The following MAST2 variants were observed in gnomAD, a reference collection of about 807,000 sequenced individuals.
The protein encoded by MAST2 is microtubule-associated serine/threonine-protein kinase 2.
MAST2 carries 70 observed loss-of-function variants against 147.4 expected under a neutral mutation model. The ratio of observed to expected loss-of-function variants is 0.47; its 90% CI spans 0.39 to 0.58. The LOEUF is 0.58. MAST2 is among the 20% of genes least tolerant of loss of function. The probability of loss-of-function intolerance (pLI) is 0.00; values close to 1 mark genes in which losing one functional copy is unlikely to be tolerated. For synonymous variants in MAST2, 869 were observed against 896.8 expected (o/e 0.97, Z 0.55); for missense variants, 2,080 against 2,302.3 (o/e 0.90, Z 1.98).
chr1:46,008,419 GCC>G, intron 9 of MAST2, 48 bp downstream of exon 9: 1 of 1,302,234 alleles, frequency 7.7e-7, no homozygotes. Context: ...CCGGGTGGCT[GCC>G]TACAGCCAGC....
At chr1:45,817,484 A>T (rs1644491697) in intron 1 of MAST2, among the ~76,000 whole-genome samples, 3 of 152,344 alleles carry the variant, frequency 2.0e-5, no homozygotes, top group Non-Finnish European at 4.4e-5. Context: ...TGGTGAAAAT[A>T]TTCTTCAAAC....
chr1:45,917,506 C>G, intron 4 of MAST2: 1 of 1,366,576 alleles, frequency 7.3e-7, no homozygotes, highest in South Asian at 1.1e-5. Context: ...CCTGGCACTC[C>G]TTGTTCCAGC....
At chr1:46,009,214 C>T (rs919990298) in intron 9 of MAST2, among the ~76,000 whole-genome samples, 1 of 152,080 alleles carries the variant, frequency 6.6e-6, no homozygotes, top group African/African-American at 2.4e-5. Context: ...GCCACCACGC[C>T]CGGCTAATTT....
At chr1:45,832,687 G>A (rs1329730115) in intron 3 of MAST2, among the ~76,000 whole-genome samples, 3 of 152,172 alleles carry the variant, frequency 2.0e-5, no homozygotes, top group Non-Finnish European at 4.4e-5. Context: ...ACTTTAAGGT[G>A]GTATGTTGCA....
rs1187210043 is a variant in MAST2 at position 46,023,417 on chromosome 1, C to T, written c.1571+99C>T. On this transcript the variant is annotated intron_variant, in intron 14 of 28. Transcript: ENST00000361297. This position sits in a 1 kb window ranked among gnomAD's most constrained non-coding sequence, Gnocchi z 4.9. ...TGCTGCCCAGTCCTCTGGGCAGATG[C>T]CTCGGGGTGGACCTTCTCACTCCCA... The T allele has an allele frequency of 1.8e-6, 2 of 1,137,636 alleles. No individual in the cohort carries two copies. The highest frequency in any genetic ancestry group is 1.5e-5 in the African/African-American group (1 of 65,210). The allele number at this position is 1,137,636 out of a possible 1,614,324, so 70.5% of individuals were successfully genotyped here. A position where few individuals can be genotyped will look rare whatever the true frequency, so the allele number is the denominator to read the frequency against.
chr1:45,880,990 A>G (rs1276853134), intron 3 of MAST2, among the ~76,000 whole-genome samples: 1 of 151,616 alleles, frequency 6.6e-6, no homozygotes, highest in Non-Finnish European at 1.5e-5. Context: ...AAAGAAAAGA[A>G]AAAAGCAAAT....
At chr1:45,907,790 A>C (rs1651017958) in intron 4 of MAST2, among the ~76,000 whole-genome samples, 2 of 152,144 alleles carry the variant, frequency 1.3e-5, no homozygotes, top group Admixed American at 1.3e-4. Flanking sequence ...GCCTCTTCTA[A>C]ATACTTCATA....
At chr1:45,917,445 T>G in intron 4 of MAST2, 1 of 1,366,580 alleles carries the variant, frequency 7.3e-7, no homozygotes, top group South Asian at 1.1e-5. Flanking sequence ...TGATTGTGCT[T>G]TGGCTACTTC....
At chr1:45,879,139 C>T (rs1365231804) in intron 3 of MAST2, among the ~76,000 whole-genome samples, 1 of 150,520 alleles carries the variant, frequency 6.6e-6, no homozygotes, top group Non-Finnish European at 1.5e-5. Flanking sequence ...ATAGAGAGCC[C>T]AGAAAGGTTA....
At chr1:45,864,185 G>C (rs1362804077) in intron 3 of MAST2, among the ~76,000 whole-genome samples, 2 of 152,174 alleles carry the variant, frequency 1.3e-5, no homozygotes, top group East Asian at 3.8e-4. Context: ...AACAATTCTT[G>C]AGATCATTAA....
At chr1:45,945,625 T>C (rs1180843575) in intron 4 of MAST2, among the ~76,000 whole-genome samples, 1 of 152,204 alleles carries the variant, frequency 6.6e-6, no homozygotes, top group African/African-American at 2.4e-5. Flanking sequence ...TTAATCTGTA[T>C]TAGTAGCAGA....
intron 3 of MAST2, among the ~76,000 whole-genome samples, chr1:45,859,069 C>A (rs1645891145): frequency 6.6e-6 from 1 of 152,088 alleles, no homozygotes; most frequent in African/African-American, 2.4e-5. Context: ...GTTCTTTTGG[C>A]TTAGGATTGT....
chr1:45,977,230 G>A (rs1251094129), intron 5 of MAST2, among the ~76,000 whole-genome samples: 1 of 152,246 alleles, frequency 6.6e-6, no homozygotes, highest in Non-Finnish European at 1.5e-5. Flanking sequence ...GCTCATGCCT[G>A]TATTCCCAGC....
rs1646562374 is a variant in MAST2, at chr1:46,029,739, A to G, written c.2321-92A>G. 4.7e-6 allele frequency: 7 copies of G among 1,505,108 alleles called. No individual in the cohort carries two copies. The East Asian group carries it at 1.4e-4, about 29-fold the overall frequency. The allele number at this position is 1,505,108 out of a possible 1,614,324, so 93.2% of individuals were successfully genotyped here. On this transcript the variant is annotated intron_variant, in intron 19 of 28. Coordinates refer to ENST00000361297, the MANE Select transcript of MAST2 (RefSeq NM_015112.3). ...ATGCTTGAGCTGATCCCCTAGGTAT[A>G]GCTTCTGAAGGTCTGGCTTCTTGCT...
At chr1:45,872,305 A>C (rs1467346001) in intron 3 of MAST2, among the ~76,000 whole-genome samples, 1 of 152,192 alleles carries the variant, frequency 6.6e-6, no homozygotes, top group Non-Finnish European at 1.5e-5. Context: ...ATAAAGGACA[A>C]GGACCAGCCT....
rs367721428 is a variant in MAST2 at position 46,032,174 on chromosome 1, C to G, written c.3188-4C>G. The G allele has an allele frequency of 4.3e-6, 7 of 1,613,564 alleles. No individual in the cohort carries two copies. The South Asian group carries it at 6.6e-5, about 15-fold the overall frequency. ...CCACTAAGTCCTGGCTTCTCCTTCTCCAGAACACCACACCTGCTCCCCGTT... is the reference window on the plus strand; with the variant it reads ...CCACTAAGTCCTGGCTTCTCCTTCTGCAGAACACCACACCTGCTCCCCGTT... On this transcript the variant is annotated splice_region_variant and splice_polypyrimidine_tract_variant and intron_variant, in intron 24 of 28. Transcript: ENST00000361297.
intron 10 of MAST2, among the ~76,000 whole-genome samples, chr1:46,015,524 C>T (rs899495660): frequency 1.3e-5 from 2 of 152,162 alleles, no homozygotes; most frequent in Non-Finnish European, 2.9e-5. Flanking sequence ...ATACAAACTA[C>T]CATCAGAGAA....
chr1:46,008,458 A>T, intron 9 of MAST2, 87 bp downstream of exon 9: 1 of 834,898 alleles, frequency 1.2e-6, no homozygotes, highest in Non-Finnish European at 2.0e-6. Flanking sequence ...GGAGTGAAGG[A>T]ATGAAGTGCT....
Position 46,031,754 on chromosome 1 carries a change from A to G in MAST2, c.3187+169A>G, listed in dbSNP as rs1344700312. The stretch of plus-strand genomic sequence containing the variant: ...CTGGGGTTGTGTATACATGTGCCAG[A>G]AAGCAGGACAGCACCATGTCACAAG... On this transcript the variant is annotated intron_variant, in intron 24 of 28. Transcript: ENST00000361297. The surrounding 1 kb of genome is among the most constrained non-coding windows in gnomAD (Gnocchi z 4.1). Among the ~76,000 whole-genome samples, 1 of 152,160 alleles carries G rather than the reference A, an allele frequency of 6.6e-6. No individual in the cohort carries two copies. Among genetic ancestry groups the G allele is most frequent in the East Asian group, 1.9e-4 (1 of 5,180 alleles).
Sources: allele counts gnomAD v4.1 joint callset (sites outside exome capture counted in the v4.1 genomes callset), GRCh38; gene constraint gnomAD v4.1.1; non-coding constraint Gnocchi (gnomAD v3.1); transcripts MANE v1.5; gene names NCBI Gene and HGNC (gene_info 2026-07-23, HGNC 2026-07-21).